The following B4GALNT2 variants were observed in gnomAD, a reference collection of about 807,000 sequenced individuals.
B4GALNT2 encodes the protein N-acetylneuraminylgalactosylglucosyl-glucoside beta-1,4-N- acetylgalactosaminyltransferase 2.
Under a neutral mutation model 51.1 loss-of-function variants are expected in B4GALNT2, and 42 were observed. That is an observed-to-expected ratio of 0.82 (90% CI 0.64 to 1.06). The LOEUF is 1.06. B4GALNT2 is among the 50% of genes least tolerant of loss of function. The pLI, the probability that B4GALNT2 is intolerant of heterozygous loss-of-function variation, is 0.00. For synonymous variants in B4GALNT2, 253 were observed against 251.7 expected (o/e 1.01, Z -0.05); for missense variants, 602 against 633.6 (o/e 0.95, Z 0.54).
chr17:49,139,083 T>C (rs2042616345), intron 1 of B4GALNT2, among the ~76,000 whole-genome samples: 1 of 152,170 alleles, frequency 6.6e-6, no homozygotes, highest in Admixed American at 6.5e-5. Context: ...ACTAATAGCT[T>C]CTCACCTCAT....
chr17:49,141,596 T>C, intron 2 of B4GALNT2, 149 bp downstream of exon 2: 1 of 848,046 alleles, frequency 1.2e-6, no homozygotes, highest in Non-Finnish European at 1.8e-6. Context: ...CAAGCCAGGA[T>C]GGGGCTTGGT....
At chr17:49,148,834 G>T in intron 3 of B4GALNT2, 1 of 276,768 alleles carries the variant, frequency 3.6e-6, no homozygotes, top group Non-Finnish European at 6.9e-6. Context: ...GAGGCAGGCG[G>T]ATCACGAGGT....
At chr17:49,151,736 C>CT (rs1380844320) in intron 3 of B4GALNT2, among the ~76,000 whole-genome samples, 21 of 145,144 alleles carry the variant, frequency 1.4e-4, no homozygotes, top group African/African-American at 5.1e-4. Flanking sequence ...CCTAGCGAGA[C>CT]TCTGTCACAA....
intron 3 of B4GALNT2, chr17:49,148,972 T>C (rs60737736): frequency 0.45 from 72,201 of 159,758 alleles, 17,237 homozygotes; most frequent in African/African-American, 0.6. Flanking sequence ...AGGAGAATCG[T>C]CTGAACCTGG....
chr17:49,131,782 A>T (rs1365042862), upstream of B4GALNT2, among the ~76,000 whole-genome samples: 1 of 152,050 alleles, frequency 6.6e-6, no homozygotes, highest in Non-Finnish European at 1.5e-5. Flanking sequence ...AAGTGCTGGG[A>T]TTACACACAT....
chr17:49,129,741 T>A (rs2042528109), upstream of B4GALNT2, among the ~76,000 whole-genome samples: 1 of 152,016 alleles, frequency 6.6e-6, no homozygotes, highest in Admixed American at 6.6e-5. Flanking sequence ...AGGGTTGGAA[T>A]GTCTCTGGTC....
chr17:49,142,032 C>G lies in B4GALNT2; in HGVS notation c.216-3C>G, dbSNP rs1567856447. ...ATGTTTACAGTCCTCTTGCTTGTTTCAGGCTGTTCCCGAAAAATCAGTGCA... is the reference window on the plus strand; with the variant it reads ...ATGTTTACAGTCCTCTTGCTTGTTTGAGGCTGTTCCCGAAAAATCAGTGCA... On this transcript the variant is annotated splice_region_variant and splice_polypyrimidine_tract_variant and intron_variant, in intron 2 of 10. Coordinates refer to ENST00000393354, the MANE Select transcript of B4GALNT2 (RefSeq NM_001159387.2). 6.2e-7 allele frequency: 1 copy of G among 1,614,088 alleles called. No homozygotes were observed. Among genetic ancestry groups the G allele is most frequent in the East Asian group, 2.2e-5 (1 of 44,884 alleles).
At chr17:49,129,711 T>TGG (rs71369273), upstream of B4GALNT2, among the ~76,000 whole-genome samples, 1 of 103,172 alleles carries the variant, frequency 9.7e-6, no homozygotes, top group South Asian at 2.9e-4. Flanking sequence ...TATTTCTGTG[T>TGG]GGGGGGGGAA....
At chr17:49,128,490 G>A (rs192886070), upstream of B4GALNT2, among the ~76,000 whole-genome samples, 2 of 152,144 alleles carry the variant, frequency 1.3e-5, no homozygotes, top group African/African-American at 4.8e-5. Context: ...AGTTTCAGGG[G>A]AAGGAGAGAC....
At chr17:49,142,926 G>A (rs1418880663) in intron 3 of B4GALNT2, among the ~76,000 whole-genome samples, 1 of 152,120 alleles carries the variant, frequency 6.6e-6, no homozygotes, top group Non-Finnish European at 1.5e-5. Flanking sequence ...TCAACACTCA[G>A]GTGTATCAAC....
intron 4 of B4GALNT2, among the ~76,000 whole-genome samples, chr17:49,153,762 C>T (rs2042781871): frequency 6.6e-6 from 1 of 152,086 alleles, no homozygotes; most frequent in South Asian, 2.1e-4. Context: ...CTCACCTCGG[C>T]CTCCCAAAGT....
chr17:49,160,868 G>C (rs2042857977), intron 7 of B4GALNT2, among the ~76,000 whole-genome samples: 1 of 152,002 alleles, frequency 6.6e-6, no homozygotes, highest in Admixed American at 6.6e-5. Context: ...GGGGAAAAAA[G>C]CTAAAAAATT....
intron 3 of B4GALNT2, 110 bp downstream of exon 3, chr17:49,142,282 C>G: frequency 1.4e-5 from 20 of 1,381,520 alleles, no homozygotes; most frequent in Non-Finnish European, 1.8e-5. Flanking sequence ...CTCTCTCTTG[C>G]AAGGGTCCCT....
intron 3 of B4GALNT2, among the ~76,000 whole-genome samples, chr17:49,145,442 C>A (rs551398404): frequency 1.4e-4 from 21 of 152,300 alleles, no homozygotes; most frequent in African/African-American, 4.8e-4. Flanking sequence ...TGTATATGCA[C>A]AAACATGTTT....
intron 1 of B4GALNT2, among the ~76,000 whole-genome samples, chr17:49,137,027 A>G (rs1228848300): frequency 1.3e-5 from 2 of 152,194 alleles, no homozygotes; most frequent in South Asian, 2.1e-4. Flanking sequence ...GGCATGTAAT[A>G]TATCAGATGT....
chr17:49,160,794 A>G (rs1008224705), intron 7 of B4GALNT2, among the ~76,000 whole-genome samples, 153 bp downstream of exon 7: 1 of 152,126 alleles, frequency 6.6e-6, no homozygotes, highest in African/African-American at 2.4e-5. Flanking sequence ...AAAAAACTCT[A>G]AGACACAATC....
At chr17:49,132,596 G>A (rs184211056), upstream of B4GALNT2, 177 of 482,014 alleles carry the variant, frequency 3.7e-4, no homozygotes, top group African/African-American at 3.4e-3. Flanking sequence ...CACCGGCAGC[G>A]GAGGAGAAAA....
At chr17:49,120,464 TTGTGTG>T in the B4GALNT2 span, among the ~76,000 whole-genome samples, 1 of 142,154 alleles carries the variant, frequency 7.0e-6, no homozygotes, top group Admixed American at 7.3e-5. Context: ...GAGGAGTCTT[TTGTGTG>T]TGTGTGTGTG....
At chr17:49,134,301 G>A (rs2042570546) in intron 1 of B4GALNT2, among the ~76,000 whole-genome samples, 1 of 152,226 alleles carries the variant, frequency 6.6e-6, no homozygotes, top group South Asian at 2.1e-4. Flanking sequence ...ACATACCATA[G>A]TGATAAGATC....
Sources: allele counts gnomAD v4.1 joint callset (sites outside exome capture counted in the v4.1 genomes callset), GRCh38; gene constraint gnomAD v4.1.1; transcripts MANE v1.5; gene names NCBI Gene and HGNC (gene_info 2026-07-23, HGNC 2026-07-21).